Variants in COMMD10 observed in about 807,000 individuals in gnomAD.
COMMD10 encodes COMM domain containing 10.
Under a neutral mutation model 28.9 loss-of-function variants are expected in COMMD10, and 33 were observed. That is an observed-to-expected ratio of 1.14 (90% CI 0.87 to 1.53). The LOEUF (loss-of-function observed/expected upper bound fraction) is 1.53. COMMD10 is among the 40% of genes most tolerant of loss of function. The probability of loss-of-function intolerance (pLI) is 0.00; values close to 1 mark genes in which losing one functional copy is unlikely to be tolerated. For missense variants in COMMD10, 310 were observed against 233.4 expected (o/e 1.33, Z -2.14); for synonymous variants, 110 against 81.7 (o/e 1.35, Z -1.87).
Position 116,280,028 on chromosome 5 carries a change from C to A in COMMD10, c.511-11489C>A, listed in dbSNP as rs147671065. On this transcript the variant is annotated intron_variant, in intron 5 of 6. Transcript: ENST00000274458. The stretch of plus-strand genomic sequence containing the variant: ...GTGCTATAGCGATCTGAAGTTACCA[C>A]AGTAATGCAATGGCAAGAACAATGA... Among the ~76,000 whole-genome samples the A allele has an allele frequency of 1.8e-3, 270 of 151,946 alleles. 4 individuals are homozygous for A. Among genetic ancestry groups the A allele is most frequent in the African/African-American group, 6.2e-3 (255 of 41,290 alleles).
At chr5:116,196,086 A>G (rs1198957352) in intron 5 of COMMD10, among the ~76,000 whole-genome samples, 4 of 152,230 alleles carry the variant, frequency 2.6e-5, no homozygotes, top group African/African-American at 9.6e-5. Context: ...ACTACTGGGT[A>G]TCTACCCAGA....
chr5:116,253,809 C>T (rs893149862), intron 5 of COMMD10, among the ~76,000 whole-genome samples: 34 of 147,522 alleles, frequency 2.3e-4, no homozygotes, highest in Non-Finnish European at 4.4e-4. Context: ...ATGCTGGCCT[C>T]ATAAAATGAG....
intron 5 of COMMD10, among the ~76,000 whole-genome samples, chr5:116,279,245 A>T (rs1751001758): frequency 6.6e-6 from 1 of 151,838 alleles, no homozygotes; most frequent in South Asian, 2.1e-4. Flanking sequence ...CATGGGCCAG[A>T]GTTTGGAAGT....
intron 5 of COMMD10, among the ~76,000 whole-genome samples, chr5:116,207,163 A>G (rs1220047359): frequency 1.3e-5 from 2 of 152,190 alleles, no homozygotes; most frequent in African/African-American, 4.8e-5. Flanking sequence ...TATGTGTGTT[A>G]TATTCAATCT....
chr5:116,227,031 C>G (rs1749409940), intron 5 of COMMD10, among the ~76,000 whole-genome samples: 1 of 152,024 alleles, frequency 6.6e-6, no homozygotes, highest in Non-Finnish European at 1.5e-5. Context: ...TACTGTTTAT[C>G]TGATTCACTC....
chr5:116,106,837 T>C (rs1750856260), intron 4 of COMMD10, among the ~76,000 whole-genome samples: 1 of 152,204 alleles, frequency 6.6e-6, no homozygotes, highest in African/African-American at 2.4e-5. Context: ...TTTGTAGATC[T>C]TCCTCCATCC....
intron 5 of COMMD10, among the ~76,000 whole-genome samples, chr5:116,265,262 A>G (rs1476934958): frequency 2.0e-5 from 3 of 151,602 alleles, no homozygotes; most frequent in Non-Finnish European, 4.4e-5. Context: ...TTTTTTCACT[A>G]TCCCCAAAAG....
chr5:116,274,517 C>T (rs1750849823), intron 5 of COMMD10, among the ~76,000 whole-genome samples: 1 of 151,768 alleles, frequency 6.6e-6, no homozygotes, highest in African/African-American at 2.4e-5. Context: ...ACTATCAATC[C>T]CTGAGCTACA....
chr5:116,273,665 AT>A, intron 5 of COMMD10, among the ~76,000 whole-genome samples: 1 of 151,812 alleles, frequency 6.6e-6, no homozygotes, highest in Non-Finnish European at 1.5e-5. Context: ...GCTATGAGTC[AT>A]TTCAGGCAAA....
At chr5:116,246,994 C>A (rs1258728460) in intron 5 of COMMD10, among the ~76,000 whole-genome samples, 1 of 151,690 alleles carries the variant, frequency 6.6e-6, no homozygotes, top group Non-Finnish European at 1.5e-5. Flanking sequence ...GATTAAAGAG[C>A]TTCAGTACAG....
chr5:116,236,811 C>T (rs568205514), intron 5 of COMMD10, among the ~76,000 whole-genome samples: 4 of 151,846 alleles, frequency 2.6e-5, no homozygotes, highest in African/African-American at 4.8e-5. Flanking sequence ...AAACTATGGA[C>T]GTTGGTTGAT....
chr5:116,166,645 G>T (rs1452434013), intron 5 of COMMD10, among the ~76,000 whole-genome samples: 1 of 152,128 alleles, frequency 6.6e-6, no homozygotes, highest in Non-Finnish European at 1.5e-5. Context: ...CCAGAGGAAG[G>T]AACAGGCAGC....
chr5:116,111,697 G>A (rs549506611), intron 4 of COMMD10, among the ~76,000 whole-genome samples: 2 of 152,150 alleles, frequency 1.3e-5, no homozygotes, highest in East Asian at 3.9e-4. Flanking sequence ...CATAACATAT[G>A]GTCTATATTG....
intron 1 of COMMD10, among the ~76,000 whole-genome samples, chr5:116,086,471 T>TC (rs1750101125): frequency 6.6e-6 from 1 of 150,996 alleles, no homozygotes; most frequent in African/African-American, 2.4e-5. Context: ...CTCTTTTTTT[T>TC]CCCTGAGAGG....
At chr5:116,244,926 A>G (rs1266904205) in intron 5 of COMMD10, among the ~76,000 whole-genome samples, 1 of 152,036 alleles carries the variant, frequency 6.6e-6, no homozygotes, top group African/African-American at 2.4e-5. Context: ...TAAAAGAACT[A>G]GGAAACCAAG....
intron 5 of COMMD10, among the ~76,000 whole-genome samples, chr5:116,198,283 G>GCAA (rs1490119469): frequency 6.6e-6 from 1 of 152,060 alleles, no homozygotes; most frequent in Non-Finnish European, 1.5e-5. Flanking sequence ...ATAAAGAATA[G>GCAA]CAAACATTGT....
At chr5:116,178,706 T>G (rs1240597517) in intron 5 of COMMD10, among the ~76,000 whole-genome samples, 1 of 152,056 alleles carries the variant, frequency 6.6e-6, no homozygotes, top group East Asian at 1.9e-4. Flanking sequence ...AGATGGGCCT[T>G]TTGCAGTTAG....
intron 5 of COMMD10, among the ~76,000 whole-genome samples, chr5:116,146,480 T>A (rs138726321): frequency 6.6e-6 from 1 of 152,034 alleles, no homozygotes; most frequent in Non-Finnish European, 1.5e-5. Context: ...GAGGGTATTA[T>A]TGTAAATTTT....
chr5:116,219,970 T>C (rs1173446857), intron 5 of COMMD10, among the ~76,000 whole-genome samples: 1 of 152,180 alleles, frequency 6.6e-6, no homozygotes, highest in African/African-American at 2.4e-5. Context: ...TCTCTACTTT[T>C]TCTTTTTTAT....
Sources: allele counts gnomAD v4.1 joint callset (sites outside exome capture counted in the v4.1 genomes callset), GRCh38; gene constraint gnomAD v4.1.1; transcripts MANE v1.5; gene names NCBI Gene and HGNC (gene_info 2026-07-23, HGNC 2026-07-21).